Variants in CGB1 observed in about 807,000 individuals in gnomAD.
CGB1 encodes chorionic gonadotropin subunit beta 1, also known as choriogonadotropin subunit beta variant 1.
In CGB1, 4 loss-of-function variants were observed where a neutral mutation model predicts 7.0. The observed-to-expected ratio is 0.57, with a 90% CI of 0.28 to 1.31. The LOEUF (loss-of-function observed/expected upper bound fraction) is 1.31. Among genes scored for constraint, CGB1 ranks in the 50% most tolerant of loss-of-function variants. The probability of loss-of-function intolerance (pLI) is 0.10; values close to 1 mark genes in which losing one functional copy is unlikely to be tolerated. For missense variants in CGB1, 139 were observed against 219.1 expected (o/e 0.63, Z 2.31); for synonymous variants, 72 against 96.4 (o/e 0.75, Z 1.48).
chr19:49,035,777 C>G lies in CGB1; in HGVS notation c.301G>C (p.Ala101Pro), dbSNP rs765164331. ...PRGVNPVVSY[A>P]VALSCQCALC... ...GCACATTGACAGCTGAGAGCCACGG[C>G]GTAGGAGACCACGGGGTTCACGCCG... The change falls in exon 3 of 3, where the codon GCC (alanine) becomes CCC (proline). Residue 101 changes from alanine (A) to proline (P), a missense_variant. Transcript: ENST00000301407. 1 of 1,602,846 alleles carries G rather than the reference C, an allele frequency of 6.2e-7. No homozygotes were observed. The highest frequency in any genetic ancestry group is 8.5e-7 in the Non-Finnish European group (1 of 1,175,854).
chr19:49,036,456 C>T (rs190573977), intron 1 of CGB1, 153 bp from the exon 2 acceptor site: 64 of 1,559,094 alleles, frequency 4.1e-5, no homozygotes, highest in African/African-American at 8.1e-5. Context: ...CCTTTCAGAG[C>T]CCACCCCACA....
intron 2 of CGB1, 102 bp downstream of exon 2, chr19:49,036,034 C>T (rs2039811841): frequency 6.6e-7 from 1 of 1,513,276 alleles, no homozygotes; most frequent in African/African-American, 1.4e-5. Context: ...ACACCCCATT[C>T]CGCAGCCCCT....
chr19:49,036,466 A>G, intron 1 of CGB1, 163 bp from the exon 2 acceptor site: 2 of 1,553,388 alleles, frequency 1.3e-6, no homozygotes, highest in Non-Finnish European at 1.7e-6. Flanking sequence ...CCCACCCCAC[A>G]GCCCAGAGGA....
At position 49,036,790 on chromosome 19, in the gene CGB1, T is replaced by G. The variant is rs1436845047; in HGVS notation, c.-79A>C. On this transcript the variant is annotated 5_prime_UTR_variant, in exon 1 of 3. Transcript: ENST00000301407. Reference sequence around the variant, plus strand: ...AGTAAATTGAGTCTCCGTGGGGGAGTGAGACAGGGAGTGAGGGGTGTTGGA... The same window carrying G: ...AGTAAATTGAGTCTCCGTGGGGGAGGGAGACAGGGAGTGAGGGGTGTTGGA... 1 of 1,604,962 alleles carries G rather than the reference T, an allele frequency of 6.2e-7. No individual in the cohort carries two copies. The highest frequency in any genetic ancestry group is 8.5e-7 in the Non-Finnish European group (1 of 1,172,716).
In CGB1 at chr19:49,035,649, G is replaced by A. The variant is rs1350290889; in HGVS notation, c.429C>T (p.Pro143=). The A allele has an allele frequency of 7.4e-6, 12 of 1,611,124 alleles. No homozygotes were observed. Among genetic ancestry groups the A allele is most frequent in the Non-Finnish European group, 9.3e-6 (11 of 1,179,894 alleles). ...FQDSSSSKAP[P]PSLPSPSRLP... is the part of the protein sequence containing the mutation. Reference sequence around the variant, plus strand: ...GACGGGATGGACTTGGAAGGCTGGGGGGAGGGGCCTTTGAGGAAGAGGAGT... The same window carrying A: ...GACGGGATGGACTTGGAAGGCTGGGAGGAGGGGCCTTTGAGGAAGAGGAGT... The change falls in exon 3 of 3, where the codon CCC becomes CCT. Residue 143 remains proline, a synonymous_variant. Transcript: ENST00000301407.
rs182402915 is a variant in CGB1 at position 49,036,823 on chromosome 19, C to G, written c.-112G>C. The stretch of plus-strand genomic sequence containing the variant: ...GGAGTGAGGGGTGTTGGACGCGGCA[C>G]GGGAACCTGGCCAGAGTCAGCGGAC... On this transcript the variant is annotated 5_prime_UTR_variant, in exon 1 of 3. Coordinates refer to ENST00000301407, the MANE Select transcript of CGB1 (RefSeq NM_033377.2). The G allele has an allele frequency of 4.9e-4, 749 of 1,530,502 alleles. 9 individuals carry two copies. The South Asian group carries it at 7.1e-3, about 15-fold the overall frequency. 94.8% of individuals were successfully genotyped at this position (1,530,502 alleles called of 1,614,324 possible).
intron 1 of CGB1, 25 bp from the exon 2 acceptor site, chr19:49,036,328 C>G (rs753255084): frequency 7.0e-5 from 113 of 1,603,530 alleles, no homozygotes; most frequent in Admixed American, 6.2e-4. Context: ...CTGCTTCACC[C>G]GGGTCTGAGA....
At chr19:49,036,423 A>G in intron 1 of CGB1, 120 bp from the exon 2 acceptor site, 1 of 1,587,716 alleles carries the variant, frequency 6.3e-7, no homozygotes, top group Non-Finnish European at 8.5e-7. Flanking sequence ...TCTTCTATTC[A>G]GGACCCACCA....
In CGB1 at chr19:49,035,585, T is replaced by C. The variant is rs1188343359; in HGVS notation, c.*25A>G. 1 of 1,611,744 alleles carries C rather than the reference T, an allele frequency of 6.2e-7. No homozygotes were observed. Among genetic ancestry groups the C allele is most frequent in the Non-Finnish European group, 8.5e-7 (1 of 1,179,910 alleles). On this transcript the variant is annotated 3_prime_UTR_variant, in exon 3 of 3. Coordinates refer to ENST00000301407, the MANE Select transcript of CGB1 (RefSeq NM_033377.2). ...CCTCCAGAGTGCGGATTGAGAAGCC[T>C]TTATTGTGGGAGGATCGGGGTGTCC... is the stretch of plus-strand genomic sequence containing the variant.
intron 1 of CGB1, 147 bp from the exon 2 acceptor site, chr19:49,036,450 T>G (rs1353282437): frequency 6.4e-7 from 1 of 1,562,272 alleles, no homozygotes; most frequent in Non-Finnish European, 8.6e-7. Flanking sequence ...CACCTGCCTT[T>G]CAGAGCCCAC....
At position 49,036,844 on chromosome 19, in the gene CGB1, C is replaced by G. The variant is rs373044257; in HGVS notation, c.-133G>C. ...GGCACGGGAACCTGGCCAGAGTCAGCGGACCCAATTGGCTGCTCTCTCTCA... is the reference window on the plus strand; with the variant it reads ...GGCACGGGAACCTGGCCAGAGTCAGGGGACCCAATTGGCTGCTCTCTCTCA... On this transcript the variant is annotated 5_prime_UTR_variant, in exon 1 of 3. Coordinates refer to ENST00000301407, the MANE Select transcript of CGB1 (RefSeq NM_033377.2). 4.6e-6 allele frequency: 6 copies of G among 1,313,646 alleles called. No individual in the cohort carries two copies. The highest frequency in any genetic ancestry group is 1.2e-5 in the South Asian group (1 of 82,780). 81.4% of individuals were successfully genotyped at this position (1,313,646 alleles called of 1,614,324 possible).
Position 49,036,792 on chromosome 19 carries a change from A to C in CGB1, c.-81T>G. 6.2e-7 allele frequency: 1 copy of C among 1,604,166 alleles called. No homozygotes were observed. Among genetic ancestry groups the C allele is most frequent in the Non-Finnish European group, 8.5e-7 (1 of 1,171,308 alleles). The stretch of plus-strand genomic sequence containing the variant: ...TAAATTGAGTCTCCGTGGGGGAGTG[A>C]GACAGGGAGTGAGGGGTGTTGGACG... On this transcript the variant is annotated 5_prime_UTR_variant, in exon 1 of 3. Coordinates refer to ENST00000301407, the MANE Select transcript of CGB1 (RefSeq NM_033377.2).
intron 1 of CGB1, 110 bp from the exon 2 acceptor site, chr19:49,036,413 T>C: frequency 6.3e-7 from 1 of 1,597,130 alleles, no homozygotes; most frequent in Non-Finnish European, 8.5e-7. Flanking sequence ...CTTCCCGGCA[T>C]CTTCTATTCA....
chr19:49,036,484 T>C, intron 1 of CGB1, 181 bp from the exon 2 acceptor site: 2 of 1,558,018 alleles, frequency 1.3e-6, no homozygotes, highest in Non-Finnish European at 8.7e-7. Flanking sequence ...GGACCTGAGA[T>C]ACCCCAACAT....
At chr19:49,036,048 C>T (rs2039812183) in intron 2 of CGB1, 88 bp downstream of exon 2, 3 of 1,567,442 alleles carry the variant, frequency 1.9e-6, no homozygotes, top group African/African-American at 1.4e-5. Context: ...AGCCCCTGAC[C>T]AGAGAGGCAG....
chr19:49,036,477 C>T lies in CGB1; in HGVS notation c.10-174G>A, dbSNP rs1045073341. ...AGAGCCCACCCCACAGCCCAGAGGA[C>T]CTGAGATACCCCAACATTTCAGATC... On this transcript the variant is annotated intron_variant, in intron 1 of 2. Transcript: ENST00000301407. The T allele has an allele frequency of 5.6e-5, 87 of 1,553,300 alleles. 1 individual carries two copies. The South Asian group carries it at 7.8e-4, about 14-fold the overall frequency.
At position 49,036,817 on chromosome 19, in the gene CGB1, G is replaced by C. The variant is rs929877689; in HGVS notation, c.-106C>G. 9 of 1,547,518 alleles carry C rather than the reference G, an allele frequency of 5.8e-6. No homozygotes were observed. The highest frequency in any genetic ancestry group is 5.4e-5 in the African/African-American group (4 of 73,476). On this transcript the variant is annotated 5_prime_UTR_variant, in exon 1 of 3. Coordinates refer to ENST00000301407, the MANE Select transcript of CGB1 (RefSeq NM_033377.2). ...AGACAGGGAGTGAGGGGTGTTGGAC[G>C]CGGCACGGGAACCTGGCCAGAGTCA...
Position 49,036,843 on chromosome 19 carries a change from G to A in CGB1, c.-132C>T, listed in dbSNP as rs34228596. The A allele has an allele frequency of 2.3e-6, 3 of 1,331,522 alleles. No individual in the cohort carries two copies. The highest frequency in any genetic ancestry group is 1.8e-4 in the Middle Eastern group (1 of 5,522). The allele number at this position is 1,331,522 out of a possible 1,614,324, so 82.5% of individuals were successfully genotyped here. On this transcript the variant is annotated 5_prime_UTR_variant, in exon 1 of 3. Coordinates refer to ENST00000301407, the MANE Select transcript of CGB1 (RefSeq NM_033377.2). ...CGGCACGGGAACCTGGCCAGAGTCA[G>A]CGGACCCAATTGGCTGCTCTCTCTC...
At chr19:49,036,614 C>T (rs1438009657) in intron 1 of CGB1, 89 bp downstream of exon 1, 1 of 1,613,856 alleles carries the variant, frequency 6.2e-7, no homozygotes, top group African/African-American at 1.3e-5. Context: ...CAGTGATGGC[C>T]TGGAAGGAGG....
Sources: gnomAD v4.1 joint callset for allele counts on GRCh38, gnomAD v4.1.1 for gene constraint, MANE v1.5 for transcripts, NCBI Gene and HGNC (gene_info 2026-07-23, HGNC 2026-07-21) for gene names.